The following EIF2B3 variants were observed in gnomAD, a reference collection of about 807,000 sequenced individuals.
The protein encoded by EIF2B3 is eukaryotic translation initiation factor 2B subunit gamma.
Under a neutral mutation model 54.1 loss-of-function variants are expected in EIF2B3, and 20 were observed. That is an observed-to-expected ratio of 0.37 (90% confidence interval 0.26 to 0.54). The LOEUF is 0.54. EIF2B3 is among the 20% of genes least tolerant of loss of function. The probability of loss-of-function intolerance (pLI) is 0.86; values close to 1 mark genes in which losing one functional copy is unlikely to be tolerated. For synonymous variants in EIF2B3, 153 were observed against 188.1 expected (o/e 0.81, Z 1.52); for missense variants, 448 against 547.8 (o/e 0.82, Z 1.82).
At chr1:44,956,713 CA>C (rs1644230224) in intron 3 of EIF2B3, among the ~76,000 whole-genome samples, 1 of 151,820 alleles carries the variant, frequency 6.6e-6, no homozygotes, top group African/African-American at 2.4e-5. Context: ...ATAACAAGGG[CA>C]AAATGAATAT....
At chr1:44,950,728 G>A (rs1002283669) in intron 3 of EIF2B3, among the ~76,000 whole-genome samples, 5 of 151,762 alleles carry the variant, frequency 3.3e-5, no homozygotes, top group South Asian at 4.2e-4. Context: ...TTGCTCTATC[G>A]CCCAGACTGG....
At chr1:44,882,850 A>G (rs1186519604) in intron 6 of EIF2B3, among the ~76,000 whole-genome samples, 2 of 150,724 alleles carry the variant, frequency 1.3e-5, no homozygotes, top group Admixed American at 1.3e-4. Flanking sequence ...CCTGGCCTCA[A>G]GTGATCCGCC....
At chr1:44,905,968 G>A (rs1275701250) in intron 5 of EIF2B3, among the ~76,000 whole-genome samples, 1 of 152,166 alleles carries the variant, frequency 6.6e-6, no homozygotes, top group African/African-American at 2.4e-5. Context: ...CTGAGATCTA[G>A]AAGCATCTCA....
Position 44,881,853 on chromosome 1 carries a change from G to C in EIF2B3, c.657-114C>G. The C allele has an allele frequency of 2.2e-6, 3 of 1,387,440 alleles. No individual in the cohort carries two copies. Among genetic ancestry groups the C allele is most frequent in the Non-Finnish European group, 3.0e-6 (3 of 999,166 alleles). 85.9% of individuals were successfully genotyped at this position (1,387,440 alleles called of 1,614,324 possible). A position where few individuals can be genotyped will look rare whatever the true frequency, so the allele number is the denominator to read the frequency against. On this transcript the variant is annotated intron_variant, in intron 6 of 11. Coordinates refer to ENST00000360403, the MANE Select transcript of EIF2B3 (RefSeq NM_020365.5). This position sits in a 1 kb window ranked among gnomAD's most constrained non-coding sequence, Gnocchi z 4.0. ...ATCCTTTCCTGTCATGGCACCTTGG[G>C]ACTGTCAGAGATCAAATGTGGCATT...
rs568909963 is a variant in EIF2B3, at chr1:44,877,059, G to T, written c.976-1364C>A. On this transcript the variant is annotated intron_variant, in intron 8 of 11. Coordinates refer to ENST00000360403, the MANE Select transcript of EIF2B3 (RefSeq NM_020365.5). ...AAGTACCCAGGGACACAAACGCTGCGGAAGGCCACAGGGTCCTCTGCCTAG... is the reference window on the plus strand; with the variant it reads ...AAGTACCCAGGGACACAAACGCTGCTGAAGGCCACAGGGTCCTCTGCCTAG... Among the ~76,000 whole-genome samples the T allele has an allele frequency of 8.4e-4, 126 of 150,704 alleles. 2 individuals are homozygous for T. Among genetic ancestry groups the T allele is most frequent in the African/African-American group, 3.0e-3 (121 of 40,604 alleles).
chr1:44,860,008 T>TG (rs1219501288), intron 10 of EIF2B3, among the ~76,000 whole-genome samples: 1 of 144,422 alleles, frequency 6.9e-6, no homozygotes, highest in African/African-American at 2.5e-5. Flanking sequence ...TCCAGCCTTC[T>TG]TTTTTTTTTT....
chr1:44,958,489 C>T lies in EIF2B3; in HGVS notation c.295-16824G>A, dbSNP rs1219361434. The T allele has an allele frequency of 3.5e-6, 3 of 849,102 alleles. No homozygotes were observed. The African/African-American group carries it at 5.1e-5, about 14-fold the overall frequency. 52.6% of individuals were successfully genotyped at this position (849,102 alleles called of 1,614,324 possible). On this transcript the variant is annotated intron_variant, in intron 3 of 11. Coordinates refer to ENST00000360403, the MANE Select transcript of EIF2B3 (RefSeq NM_020365.5). ...TTTGGTGCTGTAAATCCTGGATATA[C>T]AGTAGATGATTACTGCGTTTTTCTT...
chr1:44,962,826 C>T (rs1644299207), intron 3 of EIF2B3, among the ~76,000 whole-genome samples: 1 of 152,222 alleles, frequency 6.6e-6, no homozygotes, highest in African/African-American at 2.4e-5. Flanking sequence ...TAATATTGGA[C>T]AAACTCTTTG....
chr1:44,922,281 G>A lies in EIF2B3; in HGVS notation c.566+4347C>T, dbSNP rs530196345. Among the ~76,000 whole-genome samples, 206 of 150,490 alleles carry A rather than the reference G, an allele frequency of 1.4e-3. 2 individuals are homozygous for A. Among genetic ancestry groups the A allele is most frequent in the Non-Finnish European group, 1.7e-3 (112 of 67,632 alleles). ...AGAATGTCATTGGTATTTTGATAGG[G>A]ATTGCATAAAATCTATAGATTGCAG... On this transcript the variant is annotated intron_variant, in intron 5 of 11. Transcript: ENST00000360403.
At chr1:44,901,601 C>CA (rs200979886) in intron 5 of EIF2B3, among the ~76,000 whole-genome samples, 2,026 of 144,994 alleles carry the variant, frequency 0.014, 62 homozygotes, top group African/African-American at 0.05. Context: ...CTCTGTCATC[C>CA]AGGCTGGAGT....
intron 3 of EIF2B3, chr1:44,958,735 A>G (rs1245903515): frequency 1.3e-6 from 2 of 1,582,460 alleles, no homozygotes; most frequent in African/African-American, 2.7e-5. Context: ...GGAAAGCTAG[A>G]TATTGTCCGC....
Position 44,874,829 on chromosome 1 carries a change from G to A in EIF2B3, c.1054-3C>T, listed in dbSNP as rs1423055377. On this transcript the variant is annotated splice_polypyrimidine_tract_variant and splice_region_variant and intron_variant, in intron 9 of 11. Coordinates refer to ENST00000360403, the MANE Select transcript of EIF2B3 (RefSeq NM_020365.5). ...CCAATGAGGCTGTCAACTCCAACCT[G>A]TAAAAGGCAAAATATAAAACTCTGT... 1.8e-5 allele frequency: 29 copies of A among 1,613,948 alleles called. No homozygotes were observed. The highest frequency in any genetic ancestry group is 2.5e-5 in the Non-Finnish European group (29 of 1,180,028).
intron 4 of EIF2B3, among the ~76,000 whole-genome samples, chr1:44,926,964 G>A (rs2148932533): frequency 6.6e-6 from 1 of 150,868 alleles, no homozygotes; most frequent in South Asian, 2.1e-4. Flanking sequence ...GCGAAAGACT[G>A]TCTCTACTAA....
chr1:44,886,989 TGA>T (rs1655609437), intron 6 of EIF2B3, among the ~76,000 whole-genome samples: 2 of 152,164 alleles, frequency 1.3e-5, no homozygotes, highest in South Asian at 4.1e-4. Flanking sequence ...GAGCGCTGAG[TGA>T]ACAAGCAAGG....
At position 44,978,361 on chromosome 1, in the gene EIF2B3, T is replaced by C; in HGVS notation, c.248A>G (p.Asp83Gly). The part of the protein sequence containing the change: ...PDIVCIPDDA[D>G]MGTADSLRYI... ...GCGCAAAGAATCTGCAGTTCCCATG[T>C]CAGCGTCATCAGGAATACACACAAT... is the stretch of plus-strand genomic sequence containing the variant. Residue 83 changes from aspartate to glycine, a missense_variant, in exon 3 of 12, where the codon GAC (aspartate) becomes GGC (glycine). By Grantham distance (94) the Asp-to-Gly change is moderately conservative. Transcript: ENST00000360403. 1 of 1,614,118 alleles carries C rather than the reference T, an allele frequency of 6.2e-7. No individual in the cohort carries two copies. Among genetic ancestry groups the C allele is most frequent in the Non-Finnish European group, 8.5e-7 (1 of 1,180,028 alleles).
intron 10 of EIF2B3, 104 bp downstream of exon 10, chr1:44,874,574 C>T: frequency 7.6e-7 from 1 of 1,314,480 alleles, no homozygotes; most frequent in Non-Finnish European, 1.1e-6. Context: ...TTGATTAGCA[C>T]TTTGCCTGGG....
intron 5 of EIF2B3, among the ~76,000 whole-genome samples, chr1:44,923,412 AG>A (rs1169934855): frequency 6.6e-6 from 1 of 152,246 alleles, no homozygotes; most frequent in Non-Finnish European, 1.5e-5. Flanking sequence ...CATTGTTTAT[AG>A]TTGCCAGTAT....
At chr1:44,884,236 A>T (rs913682378) in intron 6 of EIF2B3, among the ~76,000 whole-genome samples, 1 of 152,198 alleles carries the variant, frequency 6.6e-6, no homozygotes. Context: ...GGAATAAGGA[A>T]ACTGAAGAAA....
At chr1:44,872,972 G>A (rs140455302) in intron 10 of EIF2B3, among the ~76,000 whole-genome samples, 7 of 152,296 alleles carry the variant, frequency 4.6e-5, no homozygotes, top group Admixed American at 1.3e-4. Context: ...GTGTGCTGAC[G>A]CTGGCTTGTT....
Sources: gnomAD v4.1 joint callset for allele counts (sites outside exome capture counted in the v4.1 genomes callset) on GRCh38, gnomAD v4.1.1 for gene constraint, Gnocchi (gnomAD v3.1) non-coding constraint, MANE v1.5 for transcripts, NCBI Gene and HGNC (gene_info 2026-07-23, HGNC 2026-07-21) for gene names.